The following PHACTR2 variants were observed in gnomAD, a reference collection of about 807,000 sequenced individuals.
PHACTR2 encodes the protein phosphatase and actin regulator 2.
PHACTR2 carries 30 observed loss-of-function variants against 76.0 expected under a neutral mutation model. The observed-to-expected ratio is 0.39, with a 90% CI of 0.30 to 0.54. The LOEUF is 0.54. Among genes scored for constraint, PHACTR2 ranks in the 20% least tolerant of loss-of-function variants. The pLI is 0.61. For missense variants in PHACTR2, 696 were observed against 781.1 expected, an observed-to-expected ratio of 0.89 and a Z score of 1.30; for synonymous variants, 292 against 292.5, an observed-to-expected ratio of 1.00 and a Z score of 0.02.
intron 1 of PHACTR2, among the ~76,000 whole-genome samples, chr6:143,634,023 A>G (rs1776408957): frequency 1.3e-5 from 2 of 152,240 alleles, no homozygotes; most frequent in Admixed American, 1.3e-4. Context: ...CAGTGCAGGT[A>G]TGCCTACTGA....
In PHACTR2 at chr6:143,608,385, C is replaced by CTGCG; in HGVS notation, c.13+64_13+67dup. On this transcript the variant is annotated intron_variant, in intron 1 of 11. Transcript: ENST00000305766. The surrounding 1 kb of genome is among the most constrained non-coding windows in gnomAD (Gnocchi z 4.6). ...CTTCCTTTGCAGCCCGCATCCTTTA[C>CTGCG]TGCGGAAGGTTTGCCTATTTGTTGC... is the stretch of plus-strand genomic sequence containing the variant. 6.5e-7 allele frequency: 1 copy of CTGCG among 1,549,624 alleles called. No individual in the cohort carries two copies.
In PHACTR2 at chr6:143,761,732, C is replaced by T. The variant is rs867594906; in HGVS notation, c.694+1092C>T. On this transcript the variant is annotated intron_variant, in intron 5 of 12. Transcript: ENST00000440869. This position sits in a 1 kb window ranked among gnomAD's most constrained non-coding sequence, Gnocchi z 5.2. The stretch of plus-strand genomic sequence containing the variant: ...TCGCGCCACTGCACTCCAGCCTGGG[C>T]GACAGAATGAGACTCCATCTCAAAA... 4.6e-5 allele frequency among the ~76,000 whole-genome samples: 7 copies of T among 151,662 alleles called. No individual in the cohort carries two copies. The highest frequency in any genetic ancestry group is 7.4e-5 in the Non-Finnish European group (5 of 67,954).
intron 12 of PHACTR2, among the ~76,000 whole-genome samples, chr6:143,814,050 A>C (rs1419873610): frequency 6.6e-6 from 1 of 152,210 alleles, no homozygotes; most frequent in Non-Finnish European, 1.5e-5. Flanking sequence ...AGGAAAGAAA[A>C]TGTTACTTTA....
Position 143,776,464 on chromosome 6 carries a change from A to T in PHACTR2, c.1590-864A>T, listed in dbSNP as rs866684048. ...GAAGAAAATACAATGAAAAAGGGAGATTGCGTTCACGGCATAGCAACAACC... is the reference window on the plus strand; with the variant it reads ...GAAGAAAATACAATGAAAAAGGGAGTTTGCGTTCACGGCATAGCAACAACC... On this transcript the variant is annotated intron_variant, in intron 8 of 12. Coordinates refer to ENST00000440869, the MANE Select transcript of PHACTR2 (RefSeq NM_001100164.2). The surrounding 1 kb of genome is among the most constrained non-coding windows in gnomAD (Gnocchi z 5.3). Among the ~76,000 whole-genome samples, 3 of 152,338 alleles carry T rather than the reference A, an allele frequency of 2.0e-5. 1 individual carries two copies. The Middle Eastern group carries it at 0.01, about 518-fold the overall frequency.
chr6:143,635,388 C>A (rs989908530), intron 1 of PHACTR2, among the ~76,000 whole-genome samples: 1 of 151,798 alleles, frequency 6.6e-6, no homozygotes, highest in Non-Finnish European at 1.5e-5. Context: ...GCACACATTT[C>A]AGAAATCTTC....
chr6:143,630,952 C>T (rs769670794), intron 1 of PHACTR2, among the ~76,000 whole-genome samples: 1 of 152,104 alleles, frequency 6.6e-6, no homozygotes, highest in African/African-American at 2.4e-5. Context: ...AATGGCTGCT[C>T]GAAGTGACAC....
rs939038253 is a variant in PHACTR2 at position 143,787,771 on chromosome 6, T to A, written c.1708-1002T>A. ...CCACTCTGTTTAAATAAAAAAAAAA[T>A]AAGCAATATCTCCGGAGAGGACCAC... On this transcript the variant is annotated intron_variant, in intron 10 of 12. Transcript: ENST00000440869. The surrounding 1 kb of genome is among the most constrained non-coding windows in gnomAD (Gnocchi z 4.6). 4.0e-5 allele frequency among the ~76,000 whole-genome samples: 6 copies of A among 151,400 alleles called. No homozygotes were observed. Among genetic ancestry groups the A allele is most frequent in the African/African-American group, 1.2e-4 (5 of 41,208 alleles).
At position 143,768,632 on chromosome 6, in the gene PHACTR2, C is replaced by A. The variant is rs374061046; in HGVS notation, c.1232+2834C>A. 2.0e-5 allele frequency among the ~76,000 whole-genome samples: 3 copies of A among 152,276 alleles called. 1 individual carries two copies. Among genetic ancestry groups the A allele is most frequent in the African/African-American group, 7.2e-5 (3 of 41,572 alleles). On this transcript the variant is annotated intron_variant, in intron 6 of 12. Coordinates refer to ENST00000440869, the MANE Select transcript of PHACTR2 (RefSeq NM_001100164.2). ...TCATTTTATTGTGCTAAACAACACA[C>A]AACATACTAAGGGCTTAATATCAGT...
chr6:143,650,664 C>G (rs1426574776), intron 1 of PHACTR2, among the ~76,000 whole-genome samples: 2 of 152,136 alleles, frequency 1.3e-5, no homozygotes, highest in Non-Finnish European at 2.9e-5. Context: ...TTCCTTACAT[C>G]TTATAGAAAA....
In PHACTR2 at chr6:143,806,366, T is replaced by C. The variant is rs1014534114; in HGVS notation, c.1846-691T>C. On this transcript the variant is annotated intron_variant, in intron 11 of 12. Transcript: ENST00000440869. The surrounding 1 kb of genome is among the most constrained non-coding windows in gnomAD (Gnocchi z 5.8). ...TAAACTTCCAATATTAAAGAATATA[T>C]AAGCAACTGCTTTCTCTGTAGCTCT... 5.9e-5 allele frequency among the ~76,000 whole-genome samples: 9 copies of C among 152,234 alleles called. No homozygotes were observed. Among genetic ancestry groups the C allele is most frequent in the African/African-American group, 1.7e-4 (7 of 41,460 alleles).
chr6:143,796,347 G>C (rs1307671316), intron 11 of PHACTR2, among the ~76,000 whole-genome samples: 1 of 152,080 alleles, frequency 6.6e-6, no homozygotes, highest in Admixed American at 6.6e-5. Context: ...CATGCTATTT[G>C]AGAAGGCAGC....
Position 143,820,635 on chromosome 6 carries a change from C to T in PHACTR2, c.1923-3039C>T, listed in dbSNP as rs1776398061. Among the ~76,000 whole-genome samples the T allele has an allele frequency of 6.6e-6, 1 of 152,262 alleles. No individual in the cohort carries two copies. The highest frequency in any genetic ancestry group is 1.5e-5 in the Non-Finnish European group (1 of 68,050). On this transcript the variant is annotated intron_variant, in intron 12 of 12. Transcript: ENST00000440869. This position sits in a 1 kb window ranked among gnomAD's most constrained non-coding sequence, Gnocchi z 4.2. Reference sequence around the variant, plus strand: ...GCAGCCCCCAGGCTGATCTCACAGGCTGGCGTTGAATGTCTGTGGCTTTTC... The same window carrying T: ...GCAGCCCCCAGGCTGATCTCACAGGTTGGCGTTGAATGTCTGTGGCTTTTC...
chr6:143,557,821 G>A lies in PHACTR2; in HGVS notation c.217+20614G>A, dbSNP rs897419303. On this transcript the variant is annotated intron_variant, in intron 1 of 11. Coordinates refer to the PHACTR2 transcript ENST00000367584. This position sits in a 1 kb window ranked among gnomAD's most constrained non-coding sequence, Gnocchi z 5.5. The stretch of plus-strand genomic sequence containing the variant: ...AGTTGACACCTTGTCAGTGGGAAGC[G>A]AAGTCAGGTCATGTTCTTGAAGGTA... 11 of 152,196 alleles carry A rather than the reference G, an allele frequency of 7.2e-5. No individual in the cohort carries two copies. Among genetic ancestry groups the A allele is most frequent in the East Asian group, 1.9e-4 (1 of 5,202 alleles). 9.4% of individuals were successfully genotyped at this position (152,196 alleles called of 1,614,324 possible).
intron 11 of PHACTR2, among the ~76,000 whole-genome samples, chr6:143,798,423 T>C (rs1180166897): frequency 6.6e-6 from 1 of 152,210 alleles, no homozygotes; most frequent in East Asian, 1.9e-4. Context: ...TGGCCAGAAC[T>C]TCCAACATTA....
At chr6:143,705,543 A>G (rs562735590) in intron 1 of PHACTR2, among the ~76,000 whole-genome samples, 18 of 151,658 alleles carry the variant, frequency 1.2e-4, no homozygotes, top group Non-Finnish European at 1.6e-4. Context: ...TGATCTGCCC[A>G]CCTCAGCCTT....
At position 143,732,135 on chromosome 6, in the gene PHACTR2, G is replaced by T. The variant is rs80257106; in HGVS notation, c.215-16850G>T. Among the ~76,000 whole-genome samples the T allele has an allele frequency of 1.3e-4, 20 of 152,296 alleles. No homozygotes were observed. In the East Asian group the frequency reaches 3.9e-3, roughly 29 times the overall value. On this transcript the variant is annotated intron_variant, in intron 2 of 12. Coordinates refer to ENST00000440869, the MANE Select transcript of PHACTR2 (RefSeq NM_001100164.2). ...AGAATTCTTTAAATTAAATGGCCTT[G>T]TTGACATATAATTGATATACCAAAC...
At chr6:143,707,621 C>T (rs1562277276) in intron 1 of PHACTR2, among the ~76,000 whole-genome samples, 1 of 152,116 alleles carries the variant, frequency 6.6e-6, no homozygotes, top group Non-Finnish European at 1.5e-5. Context: ...AAACATACAA[C>T]AAACTCTATT....
At chr6:143,544,688 T>C (rs1187196697) in intron 1 of PHACTR2, among the ~76,000 whole-genome samples, 2 of 152,344 alleles carry the variant, frequency 1.3e-5, no homozygotes, top group East Asian at 3.9e-4. Context: ...TCTCCTTCCC[T>C]GCACCATAAA....
In PHACTR2 at chr6:143,733,421, C is replaced by T. The variant is rs742960; in HGVS notation, c.215-15564C>T. 0.01 allele frequency among the ~76,000 whole-genome samples: 1,563 copies of T among 152,134 alleles called. 28 individuals carry two copies. Among genetic ancestry groups the T allele is most frequent in the African/African-American group, 0.036 (1,477 of 41,502 alleles). ...ATTCAGTAAATGTATATTGAATGAA[C>T]GAATGAATGAATGAATGGCTCTTGA... On this transcript the variant is annotated intron_variant, in intron 2 of 12. Coordinates refer to ENST00000440869, the MANE Select transcript of PHACTR2 (RefSeq NM_001100164.2). This position sits in a 1 kb window ranked among gnomAD's most constrained non-coding sequence, Gnocchi z 4.0.
Sources: gnomAD v4.1 joint callset for allele counts (sites outside exome capture counted in the v4.1 genomes callset) on GRCh38, gnomAD v4.1.1 for gene constraint, Gnocchi (gnomAD v3.1) non-coding constraint, MANE v1.5 for transcripts, NCBI Gene and HGNC (gene_info 2026-07-23, HGNC 2026-07-21) for gene names.